Variants in GPC5 observed in about 807,000 individuals in gnomAD.
The protein encoded by GPC5 is glypican 5.
Under a neutral mutation model 53.9 loss-of-function variants are expected in GPC5, and 47 were observed. The observed-to-expected ratio is 0.87, with a 90% confidence interval of 0.69 to 1.11. The LOEUF is 1.11. GPC5 is among the 50% of genes most tolerant of loss of function. GPC5 has a pLI of 0.00. For synonymous variants in GPC5, 286 were observed against 263.3 expected (o/e 1.09, Z -0.84); for missense variants, 748 against 713.1 (o/e 1.05, Z -0.56).
intron 5 of GPC5, among the ~76,000 whole-genome samples, chr13:91,879,674 A>C (rs80014035): frequency 0.018 from 2,737 of 152,286 alleles, 86 homozygotes; most frequent in African/African-American, 0.062. Flanking sequence ...CATCTCCAAA[A>C]ACCCTCACAT....
At chr13:92,053,327 C>T (rs930272390) in intron 6 of GPC5, among the ~76,000 whole-genome samples, 2 of 152,174 alleles carry the variant, frequency 1.3e-5, no homozygotes, top group African/African-American at 4.8e-5. Context: ...CAAAGTTGAC[C>T]TCTCTCTGTG....
intron 6 of GPC5, among the ~76,000 whole-genome samples, chr13:92,007,539 T>G (rs972402904): frequency 1.3e-5 from 2 of 152,186 alleles, no homozygotes; most frequent in Non-Finnish European, 2.9e-5. Flanking sequence ...TACTCCAGCA[T>G]CCTTATGATT....
At chr13:92,707,219 A>G (rs2139262409) in intron 7 of GPC5, among the ~76,000 whole-genome samples, 1 of 152,322 alleles carries the variant, frequency 6.6e-6, no homozygotes, top group Non-Finnish European at 1.5e-5. Context: ...ACCCATATGT[A>G]CATTCAGTCT....
intron 7 of GPC5, among the ~76,000 whole-genome samples, chr13:92,260,719 G>A (rs1029191296): frequency 6.6e-6 from 1 of 152,228 alleles, no homozygotes; most frequent in South Asian, 2.1e-4. Context: ...CTTTCCTCCT[G>A]TCTCTTCTCA....
intron 6 of GPC5, among the ~76,000 whole-genome samples, chr13:91,921,224 G>A (rs532508725): frequency 3.7e-4 from 57 of 152,016 alleles, no homozygotes; most frequent in South Asian, 3.7e-3. Flanking sequence ...GGCATGAGCC[G>A]TCACTCCCGG....
At chr13:91,883,418 A>G (rs1424164707) in intron 5 of GPC5, among the ~76,000 whole-genome samples, 1 of 152,222 alleles carries the variant, frequency 6.6e-6, no homozygotes, top group African/African-American at 2.4e-5. Flanking sequence ...AAGAATATCA[A>G]CCTGTTTTTG....
chr13:92,527,156 G>GAAAGAAAGA (rs1566276623), intron 7 of GPC5, among the ~76,000 whole-genome samples: 1 of 108,146 alleles, frequency 9.2e-6, no homozygotes, highest in Non-Finnish European at 2.0e-5. Context: ...AAGAAAGAAA[G>GAAAGAAAGA]AAAGAAAGAA....
chr13:91,782,829 G>A (rs2037819073), intron 5 of GPC5, among the ~76,000 whole-genome samples: 1 of 150,806 alleles, frequency 6.6e-6, no homozygotes, highest in African/African-American at 2.5e-5. Context: ...AAGTTTCAGG[G>A]TTATGGGTTA....
At chr13:92,698,204 T>A (rs1231939079) in intron 7 of GPC5, among the ~76,000 whole-genome samples, 1 of 152,128 alleles carries the variant, frequency 6.6e-6, no homozygotes, top group Non-Finnish European at 1.5e-5. Flanking sequence ...TTAGGGTACA[T>A]GTGCACAACG....
At chr13:91,477,262 G>A (rs530039688) in intron 2 of GPC5, among the ~76,000 whole-genome samples, 1 of 152,294 alleles carries the variant, frequency 6.6e-6, no homozygotes, top group African/African-American at 2.4e-5. Flanking sequence ...GCAGTGGCAG[G>A]ATTGATGGAG....
intron 7 of GPC5, among the ~76,000 whole-genome samples, chr13:92,286,865 C>T (rs2042959084): frequency 6.6e-6 from 1 of 151,730 alleles, no homozygotes; most frequent in African/African-American, 2.4e-5. Flanking sequence ...GCACATGTAC[C>T]CTAGAACTTA....
chr13:92,811,072 T>G (rs185166006), intron 7 of GPC5, among the ~76,000 whole-genome samples: 205 of 152,078 alleles, frequency 1.3e-3, no homozygotes, highest in Admixed American at 3.4e-3. Context: ...TTCCTTCTTA[T>G]GGCTAAATAA....
intron 7 of GPC5, among the ~76,000 whole-genome samples, chr13:92,444,622 G>C (rs1303596247): frequency 6.8e-6 from 1 of 147,034 alleles, no homozygotes; most frequent in Non-Finnish European, 1.5e-5. Context: ...GTGAAAAGAA[G>C]TATTGCATAC....
intron 6 of GPC5, among the ~76,000 whole-genome samples, chr13:92,028,890 ACTAGAGTTATATT>A (rs1241899895): frequency 6.6e-6 from 1 of 152,200 alleles, no homozygotes. Flanking sequence ...CAGAACAAAG[ACTAGAGTTATATT>A]CCAGGATGTT....
intron 5 of GPC5, among the ~76,000 whole-genome samples, chr13:91,778,613 C>T (rs982028803): frequency 2.0e-4 from 31 of 152,190 alleles, no homozygotes; most frequent in African/African-American, 7.2e-4. Context: ...CTGTGTCCTT[C>T]CAGATCAACT....
intron 7 of GPC5, among the ~76,000 whole-genome samples, chr13:92,820,311 G>A (rs1351496236): frequency 1.3e-5 from 2 of 152,044 alleles, no homozygotes; most frequent in East Asian, 1.9e-4. Flanking sequence ...TCACATTTAA[G>A]CAATGATTAC....
chr13:92,652,577 C>T (rs1885992310), intron 7 of GPC5, among the ~76,000 whole-genome samples: 1 of 152,076 alleles, frequency 6.6e-6, no homozygotes, highest in Admixed American at 6.6e-5. Context: ...AAGCTCTGGG[C>T]AGATTTGGAC....
intron 7 of GPC5, among the ~76,000 whole-genome samples, chr13:92,331,297 C>T (rs2043286405): frequency 6.6e-6 from 1 of 152,046 alleles, no homozygotes; most frequent in African/African-American, 2.4e-5. Context: ...TTACAAAATG[C>T]TTCCAGTTTC....
chr13:91,571,834 T>C (rs548427511), intron 2 of GPC5, among the ~76,000 whole-genome samples: 2,222 of 54,544 alleles, frequency 0.041, 144 homozygotes, highest in East Asian at 0.2. Flanking sequence ...TATATACACA[T>C]ATACTTGTGT....
Sources: gnomAD v4.1 joint callset for allele counts (sites outside exome capture counted in the v4.1 genomes callset) on GRCh38, gnomAD v4.1.1 for gene constraint, MANE v1.5 for transcripts, NCBI Gene and HGNC (gene_info 2026-07-23, HGNC 2026-07-21) for gene names.